Variants in KIFBP observed in about 807,000 individuals in gnomAD.
KIFBP encodes KIF-binding protein.
A neutral mutation model predicts 58.9 loss-of-function variants in KIFBP; 46 were observed. The ratio of observed to expected loss-of-function variants is 0.78; its 90% CI spans 0.62 to 1.00. KIFBP has a LOEUF of 1.00. Ranked by LOEUF, KIFBP falls within the 50% of genes least tolerant of loss-of-function variation. The pLI, the probability that KIFBP is intolerant of heterozygous loss-of-function variation, is 0.00. For synonymous variants in KIFBP, 241 were observed against 283.4 expected, an observed-to-expected ratio of 0.85 and a Z score of 1.50; for missense variants, 651 against 752.9, an observed-to-expected ratio of 0.86 and a Z score of 1.58.
At chr10:69,004,752 T>C (rs1006343743) in intron 2 of KIFBP, among the ~76,000 whole-genome samples, 1 of 151,996 alleles carries the variant, frequency 6.6e-6, no homozygotes, top group African/African-American at 2.4e-5. Flanking sequence ...TGGTTCCAGC[T>C]ACTCAGGAGG....
chr10:69,014,464 G>A (rs1838959810), intron 6 of KIFBP, among the ~76,000 whole-genome samples: 1 of 152,204 alleles, frequency 6.6e-6, no homozygotes, highest in Non-Finnish European at 1.5e-5. Flanking sequence ...TGAGGTTGGA[G>A]CTGAGGGAGA....
At chr10:69,000,028 G>A (rs1843447846) in intron 1 of KIFBP, among the ~76,000 whole-genome samples, 1 of 141,744 alleles carries the variant, frequency 7.1e-6, no homozygotes, top group South Asian at 2.2e-4. Flanking sequence ...CTGGGCGACA[G>A]AGCGAGACTC....
intron 1 of KIFBP, chr10:68,999,691 C>G (rs1843443567): frequency 2.0e-5 from 3 of 152,270 alleles, no homozygotes; most frequent in Admixed American, 2.0e-4. Flanking sequence ...CTCTCATTTC[C>G]TTTCCATATG....
At chr10:68,993,599 C>CT (rs534010735) in intron 1 of KIFBP, among the ~76,000 whole-genome samples, 8,722 of 145,140 alleles carry the variant, frequency 0.06, 295 homozygotes, top group Middle Eastern at 0.11. Context: ...TTAAACAAAG[C>CT]TTTTTTTTTT....
At chr10:68,992,708 T>C (rs1306393882) in intron 1 of KIFBP, among the ~76,000 whole-genome samples, 1 of 152,176 alleles carries the variant, frequency 6.6e-6, no homozygotes, top group African/African-American at 2.4e-5. Flanking sequence ...GTAGGAGCAG[T>C]GTTACAAATC....
At chr10:69,007,276 G>A in intron 4 of KIFBP, among the ~76,000 whole-genome samples, 1 of 152,140 alleles carries the variant, frequency 6.6e-6, no homozygotes, top group East Asian at 1.9e-4. Context: ...TCTTTTTTAA[G>A]TTTTTGTTAA....
chr10:68,996,094 G>A (rs1843399744), intron 1 of KIFBP, among the ~76,000 whole-genome samples: 1 of 151,726 alleles, frequency 6.6e-6, no homozygotes, highest in African/African-American at 2.4e-5. Context: ...GGAGGCGGAG[G>A]TTGCAGTGAG....
intron 2 of KIFBP, among the ~76,000 whole-genome samples, chr10:69,001,818 C>T (rs566352926): frequency 5.3e-5 from 8 of 151,688 alleles, no homozygotes; most frequent in African/African-American, 1.9e-4. Flanking sequence ...CATTAGATAT[C>T]ACATAAAAGA....
At chr10:68,998,771 A>ATATATATATATAT (rs1357079794) in intron 1 of KIFBP, among the ~76,000 whole-genome samples, 6 of 99,864 alleles carry the variant, frequency 6.0e-5, no homozygotes, top group African/African-American at 1.8e-4. Flanking sequence ...ATATATATAT[A>ATATATATATATAT]TTTTTTTTTT....
intron 6 of KIFBP, among the ~76,000 whole-genome samples, chr10:69,011,822 C>A (rs988811075): frequency 4.0e-5 from 6 of 148,412 alleles, no homozygotes; most frequent in Non-Finnish European, 8.9e-5. Flanking sequence ...TCCTGAGTAG[C>A]TGGGATTACA....
intron 4 of KIFBP, among the ~76,000 whole-genome samples, chr10:69,008,531 C>G (rs1203886958): frequency 1.3e-5 from 2 of 150,340 alleles, no homozygotes; most frequent in East Asian, 3.9e-4. Flanking sequence ...AGGATGACAG[C>G]CATTCCTGTA....
At chr10:68,996,351 A>G (rs1843407265) in intron 1 of KIFBP, among the ~76,000 whole-genome samples, 1 of 152,198 alleles carries the variant, frequency 6.6e-6, no homozygotes, top group Non-Finnish European at 1.5e-5. Flanking sequence ...ACCTAAGGTC[A>G]GGAGTTCAAG....
chr10:68,991,988 TTTTTTATTTTTA>T (rs758300375), intron 1 of KIFBP, among the ~76,000 whole-genome samples: 2 of 151,400 alleles, frequency 1.3e-5, no homozygotes, highest in Admixed American at 1.3e-4. Context: ...TTTTTGCTTG[TTTTTTATTTTTA>T]TTTTTATTTT....
In KIFBP at chr10:69,015,628, A is replaced by T; in HGVS notation, c.1078A>T (p.Lys360Ter). Reference protein sequence around the residue: ...KELDEEESIRKKAVQFGTGEL... With the variant: ...KELDEEESIR ...ACTAGATGAGGAGGAAAGCATTCGG[A>T]AAAAAGCTGTGCAGTTTGGAACCGG... is the stretch of plus-strand genomic sequence containing the variant. Residue 360 changes from lysine to a stop codon, truncating the protein, a stop_gained, in exon 7 of 7, where the codon AAA (lysine) becomes TAA (stop). Coordinates refer to ENST00000361983, the MANE Select transcript of KIFBP (RefSeq NM_015634.4). LOFTEE classifies it high-confidence loss of function. 1 of 1,613,850 alleles carries T rather than the reference A, an allele frequency of 6.2e-7. No individual in the cohort carries two copies. The highest frequency in any genetic ancestry group is 8.5e-7 in the Non-Finnish European group (1 of 1,179,876).
At position 68,991,467 on chromosome 10, in the gene KIFBP, A is replaced by G. The variant is rs1843345994; in HGVS notation, c.426+2209A>G. 13 of 382,988 alleles carry G rather than the reference A, an allele frequency of 3.4e-5. 1 individual carries two copies. Among genetic ancestry groups the G allele is most frequent in the South Asian group, 2.7e-4 (12 of 43,832 alleles). The allele number at this position is 382,988 out of a possible 1,614,324, so 23.7% of individuals were successfully genotyped here. On this transcript the variant is annotated intron_variant, in intron 1 of 6. Coordinates refer to ENST00000361983, the MANE Select transcript of KIFBP (RefSeq NM_015634.4). ...GTCCAGAAACCAGAGCAAGTTATCA[A>G]TGAGGATGTCGATGTCTCCGAACTA...
At position 69,015,573 on chromosome 10, in the gene KIFBP, G is replaced by A. The variant is rs16926021; in HGVS notation, c.1023G>A (p.Gln341=). ...TAGGAGAGCTTGATCTTGATAAACA[G>A]TCTGAACTTAGAGCTTTAAGGAAAA... The part of the protein sequence containing the change: ...DNIGELDLDK[Q]SELRALRKKE... Residue 341 remains glutamine, a synonymous_variant, in exon 7 of 7, where the codon CAG becomes CAA. Transcript: ENST00000361983. 16,567 of 1,613,426 alleles carry A rather than the reference G, an allele frequency of 0.01. 1,459 individuals are homozygous for A. The African/African-American group carries it at 0.19, about 19-fold the overall frequency.
chr10:68,991,519 A>C (rs1000388466), intron 1 of KIFBP: 4 of 438,094 alleles, frequency 9.1e-6, no homozygotes, highest in Non-Finnish European at 1.9e-5. Context: ...GGAGACATGC[A>C]CTGGTCCAGA....
chr10:69,003,793 A>C lies in KIFBP; in HGVS notation c.526-1253A>C, dbSNP rs190976884. Reference sequence around the variant, plus strand: ...AAAAAAATATTAGAATAAATATTAAAATCTCTCATTTGATTTTTATTAGTG... The same window carrying C: ...AAAAAAATATTAGAATAAATATTAACATCTCTCATTTGATTTTTATTAGTG... On this transcript the variant is annotated intron_variant, in intron 2 of 6. Coordinates refer to ENST00000361983, the MANE Select transcript of KIFBP (RefSeq NM_015634.4). 7.0e-3 allele frequency among the ~76,000 whole-genome samples: 1,072 copies of C among 152,336 alleles called. 14 individuals are homozygous for C. Among genetic ancestry groups the C allele is most frequent in the African/African-American group, 0.025 (1,032 of 41,584 alleles).
intron 1 of KIFBP, chr10:68,991,857 C>T (rs1843350658): frequency 6.5e-6 from 1 of 153,030 alleles, no homozygotes; most frequent in Non-Finnish European, 1.5e-5. Context: ...ATGTTAATTT[C>T]TTGAGTACTT....
Sources: gnomAD v4.1 joint callset for allele counts (sites outside exome capture counted in the v4.1 genomes callset) on GRCh38, gnomAD v4.1.1 for gene constraint, MANE v1.5 for transcripts, NCBI Gene and HGNC (gene_info 2026-07-23, HGNC 2026-07-21) for gene names.